PDE1C: variants seen among roughly 807,000 people sequenced by gnomAD.
PDE1C encodes dual specificity calcium/calmodulin-dependent 3',5'-cyclic nucleotide phosphodiesterase 1C.
A neutral mutation model predicts 93.1 loss-of-function variants in PDE1C; 62 were observed. The ratio of observed to expected loss-of-function variants is 0.67; its 90% CI spans 0.54 to 0.82. The LOEUF (loss-of-function observed/expected upper bound fraction) is 0.82. PDE1C is among the 40% of genes least tolerant of loss of function. The pLI is 0.00. For missense variants in PDE1C, 742 were observed against 884.6 expected, an observed-to-expected ratio of 0.84 and a Z score of 2.04; for synonymous variants, 325 against 310.1, an observed-to-expected ratio of 1.05 and a Z score of -0.50.
intron 3 of PDE1C, among the ~76,000 whole-genome samples, chr7:32,097,040 A>G (rs1278886970): frequency 1.3e-5 from 2 of 152,230 alleles, no homozygotes; most frequent in Non-Finnish European, 2.9e-5. Flanking sequence ...TAATATTTCC[A>G]TCCACATCCA....
At chr7:32,279,061 G>T (rs1039492381) in intron 1 of PDE1C, among the ~76,000 whole-genome samples, 3 of 152,120 alleles carry the variant, frequency 2.0e-5, no homozygotes, top group African/African-American at 7.2e-5. Flanking sequence ...CCTCAATAAA[G>T]CTGTTTGAAA....
chr7:31,807,025 T>C (rs1786928274), intron 16 of PDE1C, among the ~76,000 whole-genome samples: 1 of 151,948 alleles, frequency 6.6e-6, no homozygotes, highest in African/African-American at 2.4e-5. Context: ...GCTTTCCACT[T>C]CCTGCCACCA....
At chr7:31,683,758 A>T in the PDE1C span, among the ~76,000 whole-genome samples, 2 of 152,240 alleles carry the variant, frequency 1.3e-5, no homozygotes, top group African/African-American at 4.8e-5. Flanking sequence ...TGAAAGGCAA[A>T]TCTTTTAAGA....
At position 31,752,850 on chromosome 7, in the gene PDE1C, A is replaced by T. The variant is rs1794205399; in HGVS notation, c.*534T>A. 1 of 152,242 alleles carries T rather than the reference A, an allele frequency of 6.6e-6. No homozygotes were observed. The highest frequency in any genetic ancestry group is 2.4e-5 in the African/African-American group (1 of 41,476). 9.4% of individuals were successfully genotyped at this position (152,242 alleles called of 1,614,324 possible). On this transcript the variant is annotated 3_prime_UTR_variant, in exon 18 of 18. Transcript: ENST00000396191. ...CTTCTCTTCCTTTTAATATTTTTAC[A>T]TTCAGAAGCACAACTTCTGTTTTGA... is the stretch of plus-strand genomic sequence containing the variant.
intron 1 of PDE1C, among the ~76,000 whole-genome samples, chr7:32,222,679 G>C (rs1806961808): frequency 6.6e-6 from 1 of 152,186 alleles, no homozygotes; most frequent in Non-Finnish European, 1.5e-5. Context: ...GCAGGGACTA[G>C]TTCTCCAGGG....
At chr7:31,741,707 A>AG in the PDE1C span, among the ~76,000 whole-genome samples, 3 of 152,206 alleles carry the variant, frequency 2.0e-5, no homozygotes, top group African/African-American at 7.2e-5. Context: ...TTACAGACAT[A>AG]TTCTCCCAGA....
In PDE1C at chr7:32,150,860, A is replaced by G. The variant is rs528585005; in HGVS notation, c.308+18925T>C. On this transcript the variant is annotated intron_variant, in intron 3 of 18. Transcript: ENST00000396193. Reference sequence around the variant, plus strand: ...CTCCATGCTGAGCTTTAAGTACAGTATCTTTTTTTAATGCTTACAAAAACC... The same window carrying G: ...CTCCATGCTGAGCTTTAAGTACAGTGTCTTTTTTTAATGCTTACAAAAACC... Among the ~76,000 whole-genome samples the G allele has an allele frequency of 1.1e-4, 16 of 152,278 alleles. No homozygotes were observed. The East Asian group carries it at 3.1e-3, about 29-fold the overall frequency.
chr7:31,931,466 C>T (rs1804244138), intron 2 of PDE1C, among the ~76,000 whole-genome samples: 1 of 152,208 alleles, frequency 6.6e-6, no homozygotes, highest in Admixed American at 6.5e-5. Flanking sequence ...AGAGCCAAAT[C>T]ATGAGTGAAC....
rs1860789 is a variant in PDE1C at position 31,815,806 on chromosome 7, A to G, written c.1813+118T>C. ...ATGAGGTGGGATCAGAAGGAACTGG[A>G]TGAGCAGGGAAGCCTTGCCCTGTGA... On this transcript the variant is annotated intron_variant, in intron 15 of 17. Coordinates refer to ENST00000396191, the MANE Select transcript of PDE1C (RefSeq NM_001191057.4). The G allele has an allele frequency of 0.96, 731,860 of 761,522 alleles. 351,836 individuals are homozygous for G. The highest frequency in any genetic ancestry group is 0.97 in the Admixed American group (46,601 of 47,932). The allele number at this position is 761,522 out of a possible 1,614,324, so 47.2% of individuals were successfully genotyped here.
upstream of PDE1C, among the ~76,000 whole-genome samples, chr7:32,075,514 T>G (rs1796301325): frequency 6.6e-6 from 1 of 152,128 alleles, no homozygotes; most frequent in Non-Finnish European, 1.5e-5. Flanking sequence ...GTTACCCTGC[T>G]TCTCCCTCTG....
the PDE1C span, among the ~76,000 whole-genome samples, chr7:31,635,171 T>C: frequency 6.6e-6 from 1 of 152,216 alleles, no homozygotes; most frequent in Non-Finnish European, 1.5e-5. Context: ...CTGAGCTAGG[T>C]GATTTCTCAT....
rs376213074 is a variant in PDE1C at position 32,079,103 on chromosome 7, G to C, written c.308+90682C>G. On this transcript the variant is annotated intron_variant, in intron 3 of 18. Coordinates refer to the PDE1C transcript ENST00000396193. ...AGGCCACCAAAGGTGAAGATTTACA[G>C]ATTCTTTTCTCTGTATCTGGAGGGA... is the stretch of plus-strand genomic sequence containing the variant. 2.6e-5 allele frequency among the ~76,000 whole-genome samples: 4 copies of C among 152,326 alleles called. No individual in the cohort carries two copies. In the East Asian group the frequency reaches 5.8e-4, roughly 22 times the overall value.
chr7:31,625,967 T>C, the PDE1C span, among the ~76,000 whole-genome samples: 38 of 152,280 alleles, frequency 2.5e-4, no homozygotes, highest in Non-Finnish European at 4.3e-4. Context: ...TTGGTGATAA[T>C]AAATATCTTC....
At chr7:32,047,936 T>C (rs1792826371) in intron 2 of PDE1C, among the ~76,000 whole-genome samples, 1 of 152,212 alleles carries the variant, frequency 6.6e-6, no homozygotes, top group African/African-American at 2.4e-5. Context: ...GCCAAATAAC[T>C]GCAGTTAGAA....
In PDE1C at chr7:31,820,180, A is replaced by G. The variant is rs993594660; in HGVS notation, c.1582+2893T>C. Among the ~76,000 whole-genome samples the G allele has an allele frequency of 2.6e-5, 4 of 152,244 alleles. No homozygotes were observed. The East Asian group carries it at 7.7e-4, about 29-fold the overall frequency. On this transcript the variant is annotated intron_variant, in intron 14 of 17. Coordinates refer to ENST00000396191, the MANE Select transcript of PDE1C (RefSeq NM_001191057.4). ...CAAGACAATATTATATTATGATCCC[A>G]ATTTGTCGGCAAAATTTTTACTTAT...
At chr7:31,823,372 T>G in intron 13 of PDE1C, 124 bp from the exon 14 acceptor site, 1 of 683,388 alleles carries the variant, frequency 1.5e-6, no homozygotes, top group Non-Finnish European at 2.3e-6. Context: ...ATCTGGATCC[T>G]GAGGTTTATA....
chr7:31,803,113 C>T (rs745619460), intron 16 of PDE1C, among the ~76,000 whole-genome samples: 1 of 151,596 alleles, frequency 6.6e-6, no homozygotes, highest in Non-Finnish European at 1.5e-5. Context: ...GTTTCTATTG[C>T]TATCGTTTTG....
At chr7:31,719,147 T>G in the PDE1C span, among the ~76,000 whole-genome samples, 1 of 152,216 alleles carries the variant, frequency 6.6e-6, no homozygotes, top group Non-Finnish European at 1.5e-5. Flanking sequence ...TTCCAATATT[T>G]CTTTAACAAC....
intron 2 of PDE1C, among the ~76,000 whole-genome samples, chr7:32,020,658 A>G (rs1788532505): frequency 6.6e-6 from 1 of 152,138 alleles, no homozygotes; most frequent in Non-Finnish European, 1.5e-5. Context: ...TCTGAAAAGC[A>G]CACTAGAGCC....
Sources: gnomAD v4.1 joint callset for allele counts (sites outside exome capture counted in the v4.1 genomes callset) on GRCh38, gnomAD v4.1.1 for gene constraint, MANE v1.5 for transcripts, NCBI Gene and HGNC (gene_info 2026-07-23, HGNC 2026-07-21) for gene names.